The following EIF2B1 variants were observed in gnomAD, a reference collection of about 807,000 sequenced individuals.
EIF2B1 encodes translation initiation factor eIF2B subunit alpha.
A neutral mutation model predicts 36.8 loss-of-function variants in EIF2B1; 30 were observed. The observed-to-expected ratio is 0.81, with a 90% CI of 0.61 to 1.10. The LOEUF is 1.10. EIF2B1 is among the 50% of genes least tolerant of loss of function. The pLI is 0.00. For synonymous variants in EIF2B1, 139 were observed against 142.2 expected (o/e 0.98, Z 0.16); for missense variants, 271 against 374.8 (o/e 0.72, Z 2.29).
Position 123,620,615 on chromosome 12 carries a change from T to A in EIF2B1, c.*1141A>T, listed in dbSNP as rs1477524130. 1 of 122,424 alleles carries A rather than the reference T, an allele frequency of 8.2e-6. No homozygotes were observed. Among genetic ancestry groups the A allele is most frequent in the African/African-American group, 3.4e-5 (1 of 29,484 alleles). 7.6% of individuals were successfully genotyped at this position (122,424 alleles called of 1,614,324 possible). On this transcript the variant is annotated 3_prime_UTR_variant, in exon 9 of 9. Coordinates refer to ENST00000424014, the MANE Select transcript of EIF2B1 (RefSeq NM_001414.4). The stretch of plus-strand genomic sequence containing the variant: ...ATATATATATATATATATATATATA[T>A]ATATATATATATAAGCTCTTTTTTC...
intron 7 of EIF2B1, 109 bp from the exon 8 acceptor site, chr12:123,622,870 G>A (rs903975009): frequency 5.8e-6 from 9 of 1,554,702 alleles, no homozygotes; most frequent in Non-Finnish European, 7.9e-6. Flanking sequence ...AGCATTTTGG[G>A]AGGCCGAGGT....
At chr12:123,622,788 G>T (rs1955114565) in intron 7 of EIF2B1, 27 bp from the exon 8 acceptor site, 1 of 1,612,538 alleles carries the variant, frequency 6.2e-7, no homozygotes, top group Admixed American at 1.7e-5. Flanking sequence ...TGGAATGGAT[G>T]AGCTCTAGAG....
At chr12:123,626,146 A>G in intron 6 of EIF2B1, 2 of 448,260 alleles carry the variant, frequency 4.5e-6, no homozygotes, top group South Asian at 2.3e-5. Flanking sequence ...AAAACAAAAA[A>G]CAAACAAACA....
In EIF2B1 at chr12:123,620,616, ATAT is replaced by A. The variant is rs1566211501; in HGVS notation, c.*1137_*1139del. The A allele has an allele frequency of 9.6e-4, 117 of 122,512 alleles. 2 individuals carry two copies. The highest frequency in any genetic ancestry group is 2.9e-3 in the African/African-American group (85 of 29,600). 7.6% of individuals were successfully genotyped at this position (122,512 alleles called of 1,614,324 possible). On this transcript the variant is annotated 3_prime_UTR_variant, in exon 9 of 9. Coordinates refer to ENST00000424014, the MANE Select transcript of EIF2B1 (RefSeq NM_001414.4). ...TATATATATATATATATATATATAT[ATAT>A]ATATATATAAGCTCTTTTTTCTGAG...
At chr12:123,627,496 A>T (rs1170475128) in intron 4 of EIF2B1, among the ~76,000 whole-genome samples, 1 of 152,222 alleles carries the variant, frequency 6.6e-6, no homozygotes, top group Non-Finnish European at 1.5e-5. Flanking sequence ...GCCTACAGGA[A>T]CCAAGTAGGT....
chr12:123,632,484 T>C (rs753818858), intron 1 of EIF2B1, 38 bp from the exon 2 acceptor site: 1 of 1,382,896 alleles, frequency 7.2e-7, no homozygotes, highest in South Asian at 1.2e-5. Flanking sequence ...CTAATTCATT[T>C]AGCAGCCTAT....
rs1955149213 is a variant in EIF2B1, at chr12:123,626,439, T to C, written c.537A>G (p.Leu179=). ...TGGGCACTCACCCGACAGCAGCATC[T>C]AGCACCACAGTGACAGGGACGTTGA... ...CHLNVPVTVV[L]DAAVGYIMEK... The change falls in exon 6 of 9, where the codon CTA becomes CTG. Residue 179 remains leucine (L), a synonymous_variant. Transcript: ENST00000424014. 1 of 1,614,012 alleles carries C rather than the reference T, an allele frequency of 6.2e-7. No homozygotes were observed. Among genetic ancestry groups the C allele is most frequent in the Admixed American group, 1.7e-5 (1 of 59,990 alleles).
intron 7 of EIF2B1, among the ~76,000 whole-genome samples, chr12:123,623,902 C>T (rs900784035): frequency 6.6e-6 from 1 of 151,968 alleles, no homozygotes; most frequent in Non-Finnish European, 1.5e-5. Context: ...GACAGGCCGG[C>T]CACAGTGGCT....
intron 2 of EIF2B1, among the ~76,000 whole-genome samples, chr12:123,631,987 C>A (rs113015977): frequency 0.039 from 5,587 of 144,662 alleles, 267 homozygotes; most frequent in African/African-American, 0.12. Context: ...AAAAAACAAA[C>A]GGCCGGGCAC....
chr12:123,626,797 T>C, intron 5 of EIF2B1: 1 of 672,916 alleles, frequency 1.5e-6, no homozygotes, highest in Non-Finnish European at 2.7e-6. Flanking sequence ...TTGATAAAAA[T>C]CTTCATCAAT....
intron 4 of EIF2B1, among the ~76,000 whole-genome samples, chr12:123,629,185 G>C (rs905435585): frequency 6.6e-6 from 1 of 152,182 alleles, no homozygotes; most frequent in African/African-American, 2.4e-5. Flanking sequence ...ATGATTTTAT[G>C]ATCAGGGGAG....
chr12:123,632,713 G>C (rs1418272203), intron 1 of EIF2B1, among the ~76,000 whole-genome samples: 1 of 152,070 alleles, frequency 6.6e-6, no homozygotes, highest in African/African-American at 2.4e-5. Flanking sequence ...TTGGGAGTCC[G>C]AGGCGGGCGG....
chr12:123,621,449 G>A lies in EIF2B1; in HGVS notation c.*307C>T. On this transcript the variant is annotated 3_prime_UTR_variant, in exon 9 of 9. Transcript: ENST00000424014. ...TGGAGTGCAGGGGAGGATGAAGACA[G>A]GTGGACTTGGGCTCATCTTTCATCA... The A allele has an allele frequency of 7.6e-6, 3 of 396,158 alleles. No homozygotes were observed. Among genetic ancestry groups the A allele is most frequent in the South Asian group, 6.3e-5 (3 of 47,476 alleles). The allele number at this position is 396,158 out of a possible 1,614,324, so 24.5% of individuals were successfully genotyped here.
rs746697682 is a variant in EIF2B1 at position 123,624,771 on chromosome 12, G to A, written c.627+16C>T. 14 of 1,611,598 alleles carry A rather than the reference G, an allele frequency of 8.7e-6. No homozygotes were observed. Among genetic ancestry groups the A allele is most frequent in the Non-Finnish European group, 1.2e-5 (14 of 1,177,898 alleles). On this transcript the variant is annotated intron_variant, in intron 7 of 8. Coordinates refer to ENST00000424014, the MANE Select transcript of EIF2B1 (RefSeq NM_001414.4). The stretch of plus-strand genomic sequence containing the variant: ...CAAGTCTTGAGCAGGGAACTGGGGA[G>A]AACTGATGCTCTTACCTTGTTAATA...
intron 1 of EIF2B1, among the ~76,000 whole-genome samples, chr12:123,633,052 G>A (rs1469118920): frequency 6.6e-6 from 1 of 151,236 alleles, no homozygotes; most frequent in African/African-American, 2.4e-5. Context: ...CCTAAAATCT[G>A]AGAGGATCCC....
intron 2 of EIF2B1, among the ~76,000 whole-genome samples, chr12:123,631,054 C>A (rs928480055): frequency 6.6e-6 from 1 of 152,136 alleles, no homozygotes; most frequent in African/African-American, 2.4e-5. Context: ...TAGGGGATCA[C>A]AATAAATAAT....
intron 4 of EIF2B1, among the ~76,000 whole-genome samples, chr12:123,628,291 C>T (rs796296794): frequency 1.4e-4 from 21 of 151,776 alleles, no homozygotes; most frequent in African/African-American, 4.8e-4. Flanking sequence ...GAATTCCTGG[C>T]CTCAAGGGAA....
chr12:123,630,590 T>G lies in EIF2B1; in HGVS notation c.116-57A>C. 1.2e-6 allele frequency: 2 copies of G among 1,602,034 alleles called. No homozygotes were observed. Among genetic ancestry groups the G allele is most frequent in the South Asian group, 2.2e-5 (2 of 90,960 alleles). ...ACATTAGGGCCACAGCCCCGACCTG[T>G]ATCTTCAATTCATTCATTCATTCAG... On this transcript the variant is annotated intron_variant, in intron 2 of 8. Transcript: ENST00000424014. This position sits in a 1 kb window ranked among gnomAD's most constrained non-coding sequence, Gnocchi z 4.6.
chr12:123,621,404 G>A lies in EIF2B1; in HGVS notation c.*352C>T. 2 of 349,312 alleles carry A rather than the reference G, an allele frequency of 5.7e-6. No homozygotes were observed. The highest frequency in any genetic ancestry group is 7.4e-5 in the East Asian group (1 of 13,426). The allele number at this position is 349,312 out of a possible 1,614,324, so 21.6% of individuals were successfully genotyped here. ...TGGCTGCTTTTCGCCTGCATCTCGC[G>A]TGCTTTAGGCAGATCAGTCTGGAGT... On this transcript the variant is annotated 3_prime_UTR_variant, in exon 9 of 9. Transcript: ENST00000424014.
Sources: gnomAD v4.1 joint callset for allele counts (sites outside exome capture counted in the v4.1 genomes callset) on GRCh38, gnomAD v4.1.1 for gene constraint, Gnocchi (gnomAD v3.1) non-coding constraint, MANE v1.5 for transcripts, NCBI Gene and HGNC (gene_info 2026-07-23, HGNC 2026-07-21) for gene names.